KANSL2: variants seen among roughly 807,000 people sequenced by gnomAD.
KANSL2 encodes NSL complex protein NSL2.
In KANSL2, 34 loss-of-function variants were observed where a neutral mutation model predicts 55.6. The observed-to-expected ratio is 0.61, with a 90% CI of 0.46 to 0.81. The LOEUF (loss-of-function observed/expected upper bound fraction) is 0.81, where lower values mean the gene tolerates loss of function less well. KANSL2 is among the 40% of genes least tolerant of loss of function. The pLI is 0.00. For synonymous variants in KANSL2, 209 were observed against 214.3 expected, an observed-to-expected ratio of 0.98 and a Z score of 0.22; for missense variants, 502 against 609.9, an observed-to-expected ratio of 0.82 and a Z score of 1.86.
At chr12:48,662,627 AG>A in intron 7 of KANSL2, 1 of 1,288,032 alleles carries the variant, frequency 7.8e-7, no homozygotes, top group African/African-American at 1.5e-5. Flanking sequence ...AAGAGTTAAC[AG>A]GTCACCAATG....
In KANSL2 at chr12:48,660,435, G is replaced by C. The variant is rs372978655; in HGVS notation, c.1158C>G (p.Gly386=). The change falls in exon 8 of 10, where the codon GGC becomes GGG. Residue 386 remains glycine (G), a synonymous_variant. Transcript: ENST00000420613. ...CAGCACTCAAGTACAGATCCATGGG[G>C]CCGGCTTCCAGATCGTCTGGCACAG... ...VLSVPDDLEA[G]PMDLYLSAAE... is the part of the protein sequence containing the mutation. 3.7e-6 allele frequency: 6 copies of C among 1,613,810 alleles called. No homozygotes were observed. Among genetic ancestry groups the C allele is most frequent in the Non-Finnish European group, 5.1e-6 (6 of 1,179,872 alleles).
Position 48,654,035 on chromosome 12 carries a change from C to T in KANSL2, c.*9G>A, listed in dbSNP as rs771582948. ...TAAATCCACCAAAGTAAAATGGTTC[C>T]CCAAACTATCAACTAATAGAAGTGG... On this transcript the variant is annotated 3_prime_UTR_variant, in exon 10 of 10. Coordinates refer to ENST00000420613, the MANE Select transcript of KANSL2 (RefSeq NM_017822.4). 1 of 1,566,576 alleles carries T rather than the reference C, an allele frequency of 6.4e-7. No homozygotes were observed.
At position 48,655,049 on chromosome 12, in the gene KANSL2, A is replaced by T; in HGVS notation, c.1239T>A (p.Val413=). Residue 413 remains valine, a synonymous_variant, in exon 9 of 10, where the codon GTT becomes GTA. Transcript: ENST00000420613. Reference sequence around the variant, plus strand: ...GAGGACACTGCATACCATCACCCACAACATCCAAGTCCTAGAAAAAAGAGA... The same window carrying T: ...GAGGACACTGCATACCATCACCCACTACATCCAAGTCCTAGAAAAAAGAGA... ...LPLEFSDDLD[V]VGDGMQCPPS... 6.3e-7 allele frequency: 1 copy of T among 1,578,380 alleles called. No individual in the cohort carries two copies. The highest frequency in any genetic ancestry group is 1.9e-5 in the Admixed American group (1 of 53,954).
In KANSL2 at chr12:48,681,393, C is replaced by T. The variant is rs780525384; in HGVS notation, c.240G>A (p.Glu80=). 6.2e-7 allele frequency: 1 copy of T among 1,612,912 alleles called. No individual in the cohort carries two copies. The highest frequency in any genetic ancestry group is 1.1e-5 in the South Asian group (1 of 90,968). The change falls in exon 2 of 10, where the codon GAG becomes GAA. Residue 80 remains glutamate, a synonymous_variant. Transcript: ENST00000420613. The stretch of plus-strand genomic sequence containing the variant: ...CTATACATATATACCCATCTTTCTT[C>T]TCTGGCTTTGGGGCAGCATTGGGAC... ...KRCPNAAPKP[E]KKDGVSFCAE... is the part of the protein sequence containing the mutation.
intron 3 of KANSL2, 72 bp from the exon 4 acceptor site, chr12:48,679,222 CT>C: frequency 1.0e-6 from 1 of 958,328 alleles, no homozygotes; most frequent in Non-Finnish European, 1.7e-6. Flanking sequence ...AACTAGATTA[CT>C]TTTATCAACC....
intron 7 of KANSL2, among the ~76,000 whole-genome samples, chr12:48,663,913 CTTTTTTTTTTTT>C (rs34879709): frequency 1.8e-5 from 2 of 112,550 alleles, no homozygotes; most frequent in Non-Finnish European, 3.6e-5. Context: ...AACTATTAGC[CTTTTTTTTTTTT>C]TTTTTTTTTT....
In KANSL2 at chr12:48,667,688, G is replaced by C. The variant is rs927011180; in HGVS notation, c.973+5C>G. On this transcript the variant is annotated splice_donor_5th_base_variant and intron_variant, in intron 7 of 9. Coordinates refer to ENST00000420613, the MANE Select transcript of KANSL2 (RefSeq NM_017822.4). ...ACAGCCTTAACAGGCAGAGTAAAAA[G>C]ATACGGGTAAGGCAGTGTCTGGTCA... is the stretch of plus-strand genomic sequence containing the variant. 6.4e-5 allele frequency: 102 copies of C among 1,604,612 alleles called. No homozygotes were observed. Among genetic ancestry groups the C allele is most frequent in the Non-Finnish European group, 8.5e-5 (100 of 1,171,564 alleles).
At chr12:48,663,909 TAGCC>T (rs763856890) in intron 7 of KANSL2, among the ~76,000 whole-genome samples, 2 of 147,332 alleles carry the variant, frequency 1.4e-5, no homozygotes, top group Non-Finnish European at 3.0e-5. Context: ...TTTTAACTAT[TAGCC>T]TTTTTTTTTT....
Position 48,679,048 on chromosome 12 carries a change from T to G in KANSL2, c.533A>C (p.Glu178Ala). The G allele has an allele frequency of 1.2e-6, 2 of 1,612,710 alleles. No homozygotes were observed. Among genetic ancestry groups the G allele is most frequent in the Non-Finnish European group, 1.7e-6 (2 of 1,178,748 alleles). Residue 178 changes from glutamate (E) to alanine (A), a missense_variant, in exon 4 of 10, where the codon GAA (glutamate) becomes GCA (alanine). By Grantham distance (107) the Glu-to-Ala change is moderately radical. Coordinates refer to ENST00000420613, the MANE Select transcript of KANSL2 (RefSeq NM_017822.4). Reference sequence around the variant, plus strand: ...AGTTACAACTTACTTTAGGGGATCTTCTTGATCACTGTCTATGCTATCAGC... The same window carrying G: ...AGTTACAACTTACTTTAGGGGATCTGCTTGATCACTGTCTATGCTATCAGC... ...SEADSIDSDQ[E>A]DPLKHAGVYT... is the part of the protein sequence containing the mutation.
chr12:48,681,324 T>C lies in KANSL2; in HGVS notation c.251+58A>G, dbSNP rs113500903. On this transcript the variant is annotated intron_variant, in intron 2 of 9. Transcript: ENST00000420613. Reference sequence around the variant, plus strand: ...CGCGGCAGCTATGCTGAAGCCCGCATCATATCACATACCCCCTCGCTTTAA... The same window carrying C: ...CGCGGCAGCTATGCTGAAGCCCGCACCATATCACATACCCCCTCGCTTTAA... The C allele has an allele frequency of 1.8e-3, 2,723 of 1,534,976 alleles. 56 individuals carry two copies. In the African/African-American group the frequency reaches 0.034, roughly 19 times the overall value.
intron 7 of KANSL2, 101 bp from the exon 8 acceptor site, chr12:48,660,720 A>G: frequency 8.5e-7 from 1 of 1,181,212 alleles, no homozygotes; most frequent in South Asian, 1.6e-5. Context: ...GGACTATATA[A>G]GATAAATTAC....
At chr12:48,664,524 C>T (rs573320221) in intron 7 of KANSL2, among the ~76,000 whole-genome samples, 22 of 151,708 alleles carry the variant, frequency 1.5e-4, no homozygotes, top group South Asian at 1.0e-3. Context: ...GTGATCTGCC[C>T]GCCTCGGCCT....
chr12:48,654,395 A>C, intron 9 of KANSL2: 1 of 765,214 alleles, frequency 1.3e-6, no homozygotes. Context: ...TGTTTCTTCC[A>C]AATGAAATAG....
At chr12:48,671,121 C>T (rs1179782087) in intron 5 of KANSL2, among the ~76,000 whole-genome samples, 4 of 151,694 alleles carry the variant, frequency 2.6e-5, no homozygotes, top group African/African-American at 7.3e-5. Flanking sequence ...AAAAATTAGC[C>T]GGGCATGGTG....
intron 5 of KANSL2, among the ~76,000 whole-genome samples, chr12:48,671,122 G>A (rs747384875): frequency 1.3e-5 from 2 of 151,906 alleles, no homozygotes; most frequent in Admixed American, 6.6e-5. Context: ...AAAATTAGCC[G>A]GGCATGGTGG....
At chr12:48,668,042 T>G (rs548531285) in intron 6 of KANSL2, among the ~76,000 whole-genome samples, 4 of 152,318 alleles carry the variant, frequency 2.6e-5, no homozygotes, top group Non-Finnish European at 5.9e-5. Context: ...AAATTTTGTC[T>G]TTTACCAACA....
intron 6 of KANSL2, 144 bp downstream of exon 6, chr12:48,668,962 G>A (rs1179748184): frequency 3.8e-6 from 2 of 532,812 alleles, no homozygotes; most frequent in African/African-American, 4.0e-5. Flanking sequence ...CTTGAAACTG[G>A]GAGGCAGAGG....
chr12:48,654,846 C>A, intron 9 of KANSL2, 95 bp downstream of exon 9: 1 of 1,281,490 alleles, frequency 7.8e-7, no homozygotes, highest in Non-Finnish European at 1.1e-6. Flanking sequence ...GATGACACCC[C>A]ACTCCCCTCC....
intron 4 of KANSL2, among the ~76,000 whole-genome samples, chr12:48,675,127 G>A (rs1057158612): frequency 5.3e-5 from 8 of 151,992 alleles, no homozygotes; most frequent in Admixed American, 5.2e-4. Context: ...TGGGCACGGT[G>A]GCTCAAGCCT....
Sources: allele counts gnomAD v4.1 joint callset (sites outside exome capture counted in the v4.1 genomes callset), GRCh38; gene constraint gnomAD v4.1.1; transcripts MANE v1.5; gene names NCBI Gene and HGNC (gene_info 2026-07-23, HGNC 2026-07-21).